DIP2C: variants seen among roughly 807,000 people sequenced by gnomAD.
DIP2C encodes the protein DIP2 acetate--CoA ligase C (putative), also known as disco-interacting protein 2 homolog C.
Under a neutral mutation model 192.4 loss-of-function variants are expected in DIP2C, and 33 were observed. That is an observed-to-expected ratio of 0.17 (90% confidence interval 0.13 to 0.23). The LOEUF is 0.23. DIP2C is among the 10% of genes least tolerant of loss of function. The probability of loss-of-function intolerance (pLI) is 1.00; values close to 1 mark genes in which losing one functional copy is unlikely to be tolerated. For synonymous variants in DIP2C, 979 were observed against 864.1 expected, an observed-to-expected ratio of 1.13 and a Z score of -2.33; for missense variants, 1,537 against 2,110.1, an observed-to-expected ratio of 0.73 and a Z score of 5.32.
chr10:542,641 C>T (rs1848062725), intron 1 of DIP2C, among the ~76,000 whole-genome samples: 1 of 152,240 alleles, frequency 6.6e-6, no homozygotes, highest in South Asian at 2.1e-4. Flanking sequence ...CTCTATACCA[C>T]AGATCATCAG....
intron 35 of DIP2C, among the ~76,000 whole-genome samples, chr10:282,407 C>CCTA (rs1954877228): frequency 6.6e-6 from 1 of 152,106 alleles, no homozygotes; most frequent in Non-Finnish European, 1.5e-5. Flanking sequence ...CTGTATGATT[C>CCTA]CTAAACATAG....
intron 22 of DIP2C, among the ~76,000 whole-genome samples, chr10:359,827 C>T (rs1377583134): frequency 6.6e-6 from 1 of 152,166 alleles, no homozygotes; most frequent in Non-Finnish European, 1.5e-5. Flanking sequence ...GACTATGTTG[C>T]CCAGGCTGGT....
intron 1 of DIP2C, among the ~76,000 whole-genome samples, chr10:579,708 G>A (rs1207577109): frequency 1.3e-5 from 2 of 151,840 alleles, no homozygotes; most frequent in East Asian, 1.9e-4. Flanking sequence ...TACACATAGT[G>A]TACACACATC....
intron 1 of DIP2C, among the ~76,000 whole-genome samples, chr10:621,176 A>T (rs1234394365): frequency 6.6e-6 from 1 of 152,174 alleles, no homozygotes; most frequent in Non-Finnish European, 1.5e-5. Context: ...CGGGCCACGT[A>T]TTCGCCACTT....
intron 1 of DIP2C, among the ~76,000 whole-genome samples, chr10:542,173 G>C (rs1848028183): frequency 6.6e-6 from 1 of 152,162 alleles, no homozygotes; most frequent in African/African-American, 2.4e-5. Context: ...CCCACCCTGT[G>C]ACGGCTCACT....
At chr10:280,944 C>T (rs963732991) in intron 36 of DIP2C, among the ~76,000 whole-genome samples, 6 of 152,042 alleles carry the variant, frequency 3.9e-5, no homozygotes, top group Admixed American at 3.9e-4. Context: ...ATTTGGCTTC[C>T]TGGAAAATGT....
intron 17 of DIP2C, among the ~76,000 whole-genome samples, chr10:371,800 G>A (rs1239834420): frequency 2.6e-5 from 4 of 152,204 alleles, no homozygotes; most frequent in Non-Finnish European, 4.4e-5. Context: ...GTGACACCTT[G>A]GGGTCTCCAA....
intron 1 of DIP2C, among the ~76,000 whole-genome samples, chr10:535,682 G>T (rs1272977600): frequency 1.3e-5 from 2 of 152,114 alleles, no homozygotes; most frequent in Admixed American, 6.5e-5. Flanking sequence ...AAGATGCAAT[G>T]TTACAGTCTG....
chr10:355,284 A>G (rs984426407), intron 24 of DIP2C, among the ~76,000 whole-genome samples: 3 of 152,222 alleles, frequency 2.0e-5, no homozygotes, highest in Non-Finnish European at 4.4e-5. Context: ...GACAACGTCA[A>G]GACGACACGC....
At chr10:321,597 ACCGGCG>A (rs1957026016) in intron 31 of DIP2C, among the ~76,000 whole-genome samples, 2 of 135,104 alleles carry the variant, frequency 1.5e-5, no homozygotes, top group East Asian at 2.1e-4. Context: ...CCAGCGAGAG[ACCGGCG>A]CTGTTAGAAC....
intron 7 of DIP2C, among the ~76,000 whole-genome samples, chr10:414,398 G>GA (rs1419679560): frequency 6.6e-6 from 1 of 152,176 alleles, no homozygotes; most frequent in Non-Finnish European, 1.5e-5. Flanking sequence ...ACTGTGCCCA[G>GA]AGGCTGGAAT....
intron 1 of DIP2C, among the ~76,000 whole-genome samples, chr10:571,967 T>TC (rs1484006756): frequency 1.1e-4 from 17 of 152,210 alleles, no homozygotes; most frequent in Non-Finnish European, 1.8e-4. Context: ...CCATAAGCAT[T>TC]CCGAAATATG....
At chr10:686,401 C>T (rs888422717) in intron 1 of DIP2C, among the ~76,000 whole-genome samples, 1 of 151,888 alleles carries the variant, frequency 6.6e-6, no homozygotes, top group Non-Finnish European at 1.5e-5. Context: ...CCTCCGCACC[C>T]TCATGGCCTC....
chr10:593,963 T>C (rs559257916), intron 1 of DIP2C, among the ~76,000 whole-genome samples: 87 of 152,298 alleles, frequency 5.7e-4, no homozygotes, highest in Middle Eastern at 6.8e-3. Flanking sequence ...GCACACTTTA[T>C]CATGAATGAC....
At chr10:334,544 T>C (rs2132493956) in intron 29 of DIP2C, among the ~76,000 whole-genome samples, 1 of 152,302 alleles carries the variant, frequency 6.6e-6, no homozygotes, top group African/African-American at 2.4e-5. Flanking sequence ...CTGTGTTTTC[T>C]AAAATTTTTA....
intron 30 of DIP2C, among the ~76,000 whole-genome samples, chr10:328,149 G>A (rs961890626): frequency 1.1e-4 from 16 of 152,222 alleles, no homozygotes; most frequent in African/African-American, 3.6e-4. Context: ...AGGACGCACA[G>A]CTCGAGCTGG....
intron 1 of DIP2C, among the ~76,000 whole-genome samples, chr10:519,360 C>CA (rs1384244870): frequency 6.6e-6 from 1 of 152,252 alleles, no homozygotes; most frequent in Non-Finnish European, 1.5e-5. Context: ...CTGGATGGGT[C>CA]ATGCCCAAAG....
chr10:481,186 GAACA>G (rs1843580562), intron 2 of DIP2C, among the ~76,000 whole-genome samples: 1 of 152,200 alleles, frequency 6.6e-6, no homozygotes, highest in Admixed American at 6.5e-5. Context: ...CGAGGAATCA[GAACA>G]ACCAACGGCC....
rs545797920 is a variant in DIP2C, at chr10:525,719, C to G, written c.86-39189G>C. On this transcript the variant is annotated intron_variant, in intron 1 of 36. Coordinates refer to ENST00000280886, the MANE Select transcript of DIP2C (RefSeq NM_014974.3). ...TGGAGAAAGGAAGACAGGCCAGCCC[C>G]GTACACCCATCAGCACACCCACACC... Among the ~76,000 whole-genome samples, 23 of 152,292 alleles carry G rather than the reference C, an allele frequency of 1.5e-4. No individual in the cohort carries two copies. In the South Asian group the frequency reaches 4.8e-3, roughly 32 times the overall value.
Sources: allele counts gnomAD v4.1 joint callset (sites outside exome capture counted in the v4.1 genomes callset), GRCh38; gene constraint gnomAD v4.1.1; transcripts MANE v1.5; gene names NCBI Gene and HGNC (gene_info 2026-07-23, HGNC 2026-07-21).